SH3RF1: variants seen among roughly 807,000 people sequenced by gnomAD.
The protein encoded by SH3RF1 is SH3 domain containing ring finger 1.
Under a neutral mutation model 74.0 loss-of-function variants are expected in SH3RF1, and 32 were observed. The ratio of observed to expected loss-of-function variants is 0.43; its 90% confidence interval spans 0.33 to 0.58. The LOEUF (loss-of-function observed/expected upper bound fraction) is 0.58, where lower values mean the gene tolerates loss of function less well. SH3RF1 is among the 20% of genes least tolerant of loss of function. The pLI is 0.05. For synonymous variants in SH3RF1, 396 were observed against 439.6 expected, an observed-to-expected ratio of 0.90 and a Z score of 1.24; for missense variants, 954 against 1,130.9, an observed-to-expected ratio of 0.84 and a Z score of 2.24.
intron 11 of SH3RF1, among the ~76,000 whole-genome samples, chr4:169,099,489 A>G (rs945471827): frequency 3.3e-5 from 5 of 152,238 alleles, no homozygotes; most frequent in Non-Finnish European, 7.3e-5. Context: ...CATGCTAAAA[A>G]TCCATGAAAA....
At position 169,211,168 on chromosome 4, in the gene SH3RF1, C is replaced by CT. The variant is rs540334798; in HGVS notation, c.394-54490_394-54489insA. 1.9e-4 allele frequency among the ~76,000 whole-genome samples: 29 copies of CT among 152,170 alleles called. No homozygotes were observed. In the East Asian group the frequency reaches 5.2e-3, roughly 27 times the overall value. On this transcript the variant is annotated intron_variant, in intron 2 of 11. Transcript: ENST00000284637. Reference sequence around the variant, plus strand: ...GGTGAGCAGGATTTAGTATTATGACCCATTCTCCAAAGAAGAAACTAGCCG... The same window carrying CT: ...GGTGAGCAGGATTTAGTATTATGACCTCATTCTCCAAAGAAGAAACTAGCCG...
At chr4:169,174,113 G>C (rs1259015317) in intron 2 of SH3RF1, among the ~76,000 whole-genome samples, 2 of 152,046 alleles carry the variant, frequency 1.3e-5, no homozygotes, top group African/African-American at 4.8e-5. Flanking sequence ...ACCCAGGCTA[G>C]AGTGCAGTGG....
intron 2 of SH3RF1, among the ~76,000 whole-genome samples, chr4:169,165,922 A>T (rs562780424): frequency 3.3e-5 from 5 of 152,184 alleles, no homozygotes; most frequent in Non-Finnish European, 7.4e-5. Flanking sequence ...GATGGGGATG[A>T]ATCTTGAGCC....
chr4:169,213,742 T>A (rs189067346), intron 2 of SH3RF1, among the ~76,000 whole-genome samples: 7 of 152,386 alleles, frequency 4.6e-5, no homozygotes, highest in South Asian at 2.1e-4. Context: ...GAATGTCCAG[T>A]TACTCCAGCA....
intron 2 of SH3RF1, among the ~76,000 whole-genome samples, chr4:169,163,837 G>A (rs1259503982): frequency 2.0e-5 from 3 of 152,078 alleles, no homozygotes; most frequent in Non-Finnish European, 2.9e-5. Flanking sequence ...TATGTATCAC[G>A]TGCCTGATAA....
chr4:169,191,298 C>CA (rs35344441), intron 2 of SH3RF1, among the ~76,000 whole-genome samples: 67,973 of 113,064 alleles, frequency 0.6, 19,742 homozygotes, highest in East Asian at 0.76. Context: ...ACAATAGCTG[C>CA]AAAAAAAAAA....
intron 2 of SH3RF1, among the ~76,000 whole-genome samples, chr4:169,216,193 T>C (rs913398417): frequency 3.3e-5 from 5 of 152,118 alleles, no homozygotes; most frequent in Admixed American, 3.3e-4. Context: ...ATTGAATCTT[T>C]AGAAGTCCAT....
At chr4:169,160,106 G>GT (rs1554006485) in intron 2 of SH3RF1, among the ~76,000 whole-genome samples, 3 of 152,106 alleles carry the variant, frequency 2.0e-5, no homozygotes, top group Non-Finnish European at 4.4e-5. Context: ...ATTATGGCCT[G>GT]TTTTTTTCCC....
intron 2 of SH3RF1, among the ~76,000 whole-genome samples, chr4:169,174,122 G>A (rs1261748094): frequency 6.6e-6 from 1 of 152,030 alleles, no homozygotes; most frequent in Admixed American, 6.6e-5. Flanking sequence ...AGAGTGCAGT[G>A]GCGCAATCAT....
intron 2 of SH3RF1, among the ~76,000 whole-genome samples, chr4:169,231,657 C>T (rs541428115): frequency 6.6e-6 from 1 of 152,146 alleles, no homozygotes; most frequent in East Asian, 1.9e-4. Context: ...TTAGTTTTTG[C>T]TCAAAGCTGC....
At chr4:169,101,861 A>G (rs2126935079) in intron 11 of SH3RF1, among the ~76,000 whole-genome samples, 1 of 152,232 alleles carries the variant, frequency 6.6e-6, no homozygotes, top group East Asian at 1.9e-4. Flanking sequence ...ACTTTTGGTG[A>G]TAACTGCCAA....
chr4:169,119,058 C>G (rs963548000), intron 8 of SH3RF1, among the ~76,000 whole-genome samples: 1 of 152,042 alleles, frequency 6.6e-6, no homozygotes, highest in African/African-American at 2.4e-5. Flanking sequence ...CCATGAATGA[C>G]AGAATTTACT....
At chr4:169,178,578 G>A (rs997271328) in intron 2 of SH3RF1, among the ~76,000 whole-genome samples, 4 of 152,126 alleles carry the variant, frequency 2.6e-5, no homozygotes, top group African/African-American at 9.7e-5. Context: ...TACTGTGGGG[G>A]CAAGAGGAGT....
chr4:169,193,609 C>T (rs915874444), intron 2 of SH3RF1, among the ~76,000 whole-genome samples: 9 of 152,106 alleles, frequency 5.9e-5, no homozygotes, highest in Middle Eastern at 3.2e-3. Flanking sequence ...AAGGATGCTA[C>T]GGCTTATTGT....
intron 2 of SH3RF1, among the ~76,000 whole-genome samples, chr4:169,232,858 A>C (rs1303489830): frequency 6.6e-6 from 1 of 152,142 alleles, no homozygotes; most frequent in Non-Finnish European, 1.5e-5. Flanking sequence ...TTCAGTTTAA[A>C]CCCTAAACTC....
At chr4:169,173,320 C>T (rs928186225) in intron 2 of SH3RF1, among the ~76,000 whole-genome samples, 5 of 152,034 alleles carry the variant, frequency 3.3e-5, no homozygotes, top group African/African-American at 9.7e-5. Flanking sequence ...TTGACTCAGG[C>T]ACCTTAACAA....
chr4:169,162,868 C>T (rs1378191838), intron 2 of SH3RF1, among the ~76,000 whole-genome samples: 3 of 152,082 alleles, frequency 2.0e-5, no homozygotes, highest in East Asian at 1.9e-4. Flanking sequence ...GCTTTTTTAG[C>T]GCTTGGTGGC....
chr4:169,145,897 TACA>T (rs1221419144), intron 4 of SH3RF1, among the ~76,000 whole-genome samples: 1 of 128,742 alleles, frequency 7.8e-6, no homozygotes, highest in African/African-American at 3.1e-5. Flanking sequence ...TATAAAATAT[TACA>T]TATTCTATAT....
At chr4:169,235,387 G>A (rs1730809878) in intron 2 of SH3RF1, among the ~76,000 whole-genome samples, 1 of 152,186 alleles carries the variant, frequency 6.6e-6, no homozygotes. Flanking sequence ...CTATATTAGT[G>A]TTTTATAGTG....
Sources: allele counts gnomAD v4.1 joint callset (sites outside exome capture counted in the v4.1 genomes callset), GRCh38; gene constraint gnomAD v4.1.1; transcripts MANE v1.5; gene names NCBI Gene and HGNC (gene_info 2026-07-23, HGNC 2026-07-21).